Variants in HMCN1 observed in about 807,000 individuals in gnomAD.
HMCN1 encodes the protein hemicentin-1.
Under a neutral mutation model 625.9 loss-of-function variants are expected in HMCN1, and 321 were observed. The observed-to-expected ratio is 0.51, with a 90% CI of 0.47 to 0.56. The LOEUF is 0.56. Among genes scored for constraint, HMCN1 ranks in the 20% least tolerant of loss-of-function variants. The pLI, the probability that HMCN1 is intolerant of heterozygous loss-of-function variation, is 0.00. For synonymous variants in HMCN1, 2,425 were observed against 2,417.6 expected, an observed-to-expected ratio of 1.00 and a Z score of -0.09; for missense variants, 6,588 against 6,887.3, an observed-to-expected ratio of 0.96 and a Z score of 1.54.
intron 2 of HMCN1, among the ~76,000 whole-genome samples, chr1:185,863,462 G>C (rs1324627986): frequency 2.6e-5 from 4 of 152,148 alleles, no homozygotes. Context: ...AAATTTGAAA[G>C]AGCACTAATA....
At chr1:185,856,709 G>T (rs1662490296) in intron 2 of HMCN1, among the ~76,000 whole-genome samples, 1 of 152,030 alleles carries the variant, frequency 6.6e-6, no homozygotes, top group Admixed American at 6.6e-5. Flanking sequence ...GAATTATTTT[G>T]AACTTAGTCA....
intron 86 of HMCN1, among the ~76,000 whole-genome samples, chr1:186,133,172 C>T (rs1662036563): frequency 6.6e-6 from 1 of 151,812 alleles, no homozygotes; most frequent in African/African-American, 2.4e-5. Flanking sequence ...GGGTATATAC[C>T]CAAAAGATTA....
intron 1 of HMCN1, among the ~76,000 whole-genome samples, chr1:185,828,019 A>C (rs1660629615): frequency 6.6e-6 from 1 of 152,218 alleles, no homozygotes; most frequent in South Asian, 2.1e-4. Flanking sequence ...AGGCAATAGC[A>C]AACAATTTTG....
At chr1:186,039,981 A>T in intron 39 of HMCN1, 102 bp downstream of exon 39, 1 of 1,180,596 alleles carries the variant, frequency 8.5e-7, no homozygotes, top group Non-Finnish European at 1.3e-6. Flanking sequence ...ACAAGGATTA[A>T]CAGATGCTAT....
At chr1:185,886,992 GC>G in intron 4 of HMCN1, among the ~76,000 whole-genome samples, 1 of 151,890 alleles carries the variant, frequency 6.6e-6, no homozygotes, top group Admixed American at 6.6e-5. Context: ...GCTTTTTTCT[GC>G]CCCCACACAT....
chr1:185,750,222 A>C (rs1389366098), intron 1 of HMCN1, among the ~76,000 whole-genome samples: 1 of 152,188 alleles, frequency 6.6e-6, no homozygotes, highest in Non-Finnish European at 1.5e-5. Context: ...GAAGGCACTC[A>C]ATAAAGTGAG....
At chr1:186,056,117 A>G (rs1303745320) in intron 45 of HMCN1, among the ~76,000 whole-genome samples, 1 of 152,078 alleles carries the variant, frequency 6.6e-6, no homozygotes. Flanking sequence ...AATGTCAATA[A>G]GAATAGACCA....
intron 30 of HMCN1, among the ~76,000 whole-genome samples, chr1:186,010,219 G>A (rs771137529): frequency 6.6e-6 from 1 of 151,964 alleles, no homozygotes; most frequent in African/African-American, 2.4e-5. Flanking sequence ...GTGTGTGTGT[G>A]GGGGTACATG....
intron 18 of HMCN1, among the ~76,000 whole-genome samples, chr1:185,983,049 T>C (rs377407786): frequency 6.6e-6 from 1 of 152,260 alleles, no homozygotes; most frequent in East Asian, 1.9e-4. Flanking sequence ...TTGTTAAACG[T>C]TAATATTCCC....
rs116753027 is a variant in HMCN1, at chr1:186,166,606, T to C, written c.15440-202T>C. Among the ~76,000 whole-genome samples, 866 of 152,344 alleles carry C rather than the reference T, an allele frequency of 5.7e-3. 9 individuals carry two copies. The highest frequency in any genetic ancestry group is 0.02 in the African/African-American group (843 of 41,582). On this transcript the variant is annotated intron_variant, in intron 99 of 106. Coordinates refer to ENST00000271588, the MANE Select transcript of HMCN1 (RefSeq NM_031935.3). The stretch of plus-strand genomic sequence containing the variant: ...GTGGTCTGATTAATCTGTCAGTCTA[T>C]GAAGATATTAATCACACTGTGCTGC...
chr1:185,859,021 GTGTGTGT>G (rs1558020457), intron 2 of HMCN1, among the ~76,000 whole-genome samples: 2 of 5,080 alleles, frequency 3.9e-4, no homozygotes, highest in African/African-American at 9.0e-4. Context: ...GGTTAAAGAT[GTGTGTGT>G]GTGTGTGTGT....
At chr1:185,989,439 A>G in intron 20 of HMCN1, 49 bp from the exon 21 acceptor site, 3 of 1,595,660 alleles carry the variant, frequency 1.9e-6, no homozygotes, top group Non-Finnish European at 2.6e-6. Flanking sequence ...TATAATCTTG[A>G]AACAAACAAA....
intron 1 of HMCN1, among the ~76,000 whole-genome samples, chr1:185,841,494 C>T (rs1571430990): frequency 6.6e-6 from 1 of 152,042 alleles, no homozygotes; most frequent in East Asian, 1.9e-4. Context: ...ATTGAGGCTC[C>T]GTGATGTAGT....
chr1:185,970,584 T>G, intron 15 of HMCN1, 91 bp downstream of exon 15: 1 of 1,156,886 alleles, frequency 8.6e-7, no homozygotes, highest in East Asian at 2.3e-5. Context: ...GGTAGAATTA[T>G]TCATCAGAAT....
chr1:186,119,551 T>A (rs1661297252), intron 78 of HMCN1, among the ~76,000 whole-genome samples, 194 bp from the exon 79 acceptor site: 1 of 152,132 alleles, frequency 6.6e-6, no homozygotes, highest in South Asian at 2.1e-4. Context: ...TCCAGTGGGG[T>A]TCTTCTAATG....
At chr1:186,148,108 G>A (rs559864271) in intron 93 of HMCN1, among the ~76,000 whole-genome samples, 2 of 152,282 alleles carry the variant, frequency 1.3e-5, no homozygotes, top group East Asian at 1.9e-4. Context: ...TAAGTCCTTT[G>A]TTGTCGTTTT....
chr1:186,137,339 T>C (rs1217929093), intron 87 of HMCN1, among the ~76,000 whole-genome samples, 159 bp from the exon 88 acceptor site: 1 of 152,210 alleles, frequency 6.6e-6, no homozygotes, highest in Admixed American at 6.5e-5. Flanking sequence ...AGTTCTTCTC[T>C]CTCTCTTGGA....
intron 63 of HMCN1, 115 bp downstream of exon 63, chr1:186,088,870 T>G: frequency 1.0e-6 from 1 of 980,844 alleles, no homozygotes; most frequent in Non-Finnish European, 1.5e-6. Flanking sequence ...CTTTAGATCA[T>G]CAAAAACTAT....
intron 4 of HMCN1, among the ~76,000 whole-genome samples, chr1:185,880,729 T>C (rs1323348319): frequency 6.6e-6 from 1 of 152,174 alleles, no homozygotes; most frequent in Non-Finnish European, 1.5e-5. Context: ...GTTGAATGAA[T>C]GTTTGAAGGA....
Sources: allele counts gnomAD v4.1 joint callset (sites outside exome capture counted in the v4.1 genomes callset), GRCh38; gene constraint gnomAD v4.1.1; transcripts MANE v1.5; gene names NCBI Gene and HGNC (gene_info 2026-07-23, HGNC 2026-07-21).